Variants in ADAMTS7 observed in about 807,000 individuals in gnomAD.
ADAMTS7 encodes ADAM metallopeptidase with thrombospondin type 1 motif 7.
A neutral mutation model predicts 172.6 loss-of-function variants in ADAMTS7; 89 were observed. The ratio of observed to expected loss-of-function variants is 0.52; its 90% CI spans 0.43 to 0.61. The LOEUF is 0.61. Ranked by LOEUF, ADAMTS7 falls within the 20% of genes least tolerant of loss-of-function variation. The pLI, the probability that ADAMTS7 is intolerant of heterozygous loss-of-function variation, is 0.00. For synonymous variants in ADAMTS7, 885 were observed against 978.4 expected, an observed-to-expected ratio of 0.90 and a Z score of 1.78; for missense variants, 1,973 against 2,355.6, an observed-to-expected ratio of 0.84 and a Z score of 3.36.
intron 19 of ADAMTS7, among the ~76,000 whole-genome samples, chr15:78,765,373 C>T (rs1441306655): frequency 1.3e-5 from 2 of 152,248 alleles, no homozygotes; most frequent in African/African-American, 2.4e-5. Context: ...GGCGGCCATG[C>T]GGGGACCGTC....
intron 6 of ADAMTS7, 81 bp downstream of exon 6, chr15:78,790,589 C>T: frequency 1.3e-6 from 2 of 1,572,828 alleles, no homozygotes; most frequent in Non-Finnish European, 8.6e-7. Context: ...AGCACGGCCC[C>T]CTCCTCCACC....
intron 8 of ADAMTS7, among the ~76,000 whole-genome samples, chr15:78,787,630 T>C (rs1337595623): frequency 6.6e-6 from 1 of 152,070 alleles, no homozygotes; most frequent in East Asian, 1.9e-4. Flanking sequence ...TGCCATTGCA[T>C]TCCAGCCTGG....
chr15:78,778,222 C>T (rs963560393), intron 8 of ADAMTS7, among the ~76,000 whole-genome samples: 3 of 152,238 alleles, frequency 2.0e-5, no homozygotes, highest in African/African-American at 7.2e-5. Context: ...CTGGCAGACA[C>T]AAGCAGGCGC....
At chr15:78,791,060 G>C in intron 5 of ADAMTS7, 80 bp downstream of exon 5, 4 of 1,497,544 alleles carry the variant, frequency 2.7e-6, no homozygotes, top group Non-Finnish European at 3.7e-6. Context: ...CTTCCATAAA[G>C]AGCAGCACAG....
At position 78,796,703 on chromosome 15, in the gene ADAMTS7, G is replaced by T; in HGVS notation, c.706C>A (p.Arg236=). 1.2e-6 allele frequency: 2 copies of T among 1,613,630 alleles called. No homozygotes were observed. Among genetic ancestry groups the T allele is most frequent in the Non-Finnish European group, 1.7e-6 (2 of 1,179,974 alleles). Residue 236 remains arginine, a synonymous_variant, in exon 4 of 24, where the codon CGG becomes AGG. Coordinates refer to ENST00000388820, the MANE Select transcript of ADAMTS7 (RefSeq NM_014272.5). ...ACCCACTTCTCTTTGCTGACCGACCGCTGGTGTAGACGCCTCAGCCGTGGC... is the reference window on the plus strand; with the variant it reads ...ACCCACTTCTCTTTGCTGACCGACCTCTGGTGTAGACGCCTCAGCCGTGGC... ...RRPRLRRLHQ[R]SVSKEKWVET...
chr15:78,763,251 G>T (rs538877291), intron 22 of ADAMTS7, among the ~76,000 whole-genome samples: 6 of 152,334 alleles, frequency 3.9e-5, no homozygotes, highest in African/African-American at 1.2e-4. Context: ...CCAGGACCCA[G>T]CTCAGGGCCC....
chr15:78,789,753 A>C lies in ADAMTS7; in HGVS notation c.1114T>G (p.Cys372Gly), dbSNP rs764017115. ...VAGMCQPHRS[C>G]SINEDTGLPL... ...AGGCCCGTGTCCTCGTTGATGCTGCAGCTGCGGTGCGGCTGGCACATGCCC... is the reference window on the plus strand; with the variant it reads ...AGGCCCGTGTCCTCGTTGATGCTGCCGCTGCGGTGCGGCTGGCACATGCCC... The change falls in exon 7 of 24, where the codon TGC becomes GGC. Residue 372 changes from cysteine (C) to glycine (G), a missense_variant. Cys to Gly is a radical substitution (Grantham distance 159). This residue lies in a region of ADAMTS7 where 526 missense variants were observed against 662.9 expected (regional missense o/e 0.79). Transcript: ENST00000388820. 6.2e-7 allele frequency: 1 copy of C among 1,612,182 alleles called. No homozygotes were observed.
At chr15:78,763,352 G>A (rs1051749640) in intron 22 of ADAMTS7, among the ~76,000 whole-genome samples, 1 of 152,256 alleles carries the variant, frequency 6.6e-6, no homozygotes, top group Admixed American at 6.5e-5. Flanking sequence ...CCCTTCTGCC[G>A]CTGGCCTTTG....
At chr15:78,781,988 A>C (rs954166588) in intron 8 of ADAMTS7, among the ~76,000 whole-genome samples, 6 of 152,032 alleles carry the variant, frequency 3.9e-5, no homozygotes, top group African/African-American at 1.4e-4. Flanking sequence ...TTAAGAGCTA[A>C]TATAACTTGT....
At chr15:78,811,072 G>T (rs1175425183) in intron 1 of ADAMTS7, 49 bp downstream of exon 1, 4 of 1,228,158 alleles carry the variant, frequency 3.3e-6, no homozygotes, top group Non-Finnish European at 4.1e-6. Flanking sequence ...GACTGGGGGA[G>T]CGGGAAGGGG....
chr15:78,768,063 G>A, intron 17 of ADAMTS7, 70 bp downstream of exon 17: 1 of 1,244,276 alleles, frequency 8.0e-7, no homozygotes, highest in Non-Finnish European at 1.1e-6. Context: ...TGGGGAGTTG[G>A]CGGGGGATGG....
rs1189074368 is a variant in ADAMTS7, at chr15:78,788,173, C to T, written c.1322+58G>A. On this transcript the variant is annotated intron_variant, in intron 8 of 23. Coordinates refer to ENST00000388820, the MANE Select transcript of ADAMTS7 (RefSeq NM_014272.5). The stretch of plus-strand genomic sequence containing the variant: ...CTGCAGTATGACTGTCTGCATCTCT[C>T]CCAGTAGACCTTGACCTCATGGATC... The T allele has an allele frequency of 3.1e-6, 5 of 1,598,816 alleles. No homozygotes were observed. In the African/African-American group the frequency reaches 4.0e-5, roughly 13 times the overall value.
In ADAMTS7 at chr15:78,767,438, T is replaced by A. The variant is rs532473104; in HGVS notation, c.2800A>T (p.Thr934Ser). Residue 934 changes from threonine (T) to serine (S), a missense_variant, in exon 18 of 24, where the codon ACC (threonine) becomes TCC (serine). Physicochemically the swap from Thr to Ser is moderately conservative, Grantham distance 58. Coordinates refer to ENST00000388820, the MANE Select transcript of ADAMTS7 (RefSeq NM_014272.5). Reference sequence around the variant, plus strand: ...CAGGGTACATGGCGGTTGCAAGGGGTTTCAGTAGGGGGCCGGGGAAGGTGT... The same window carrying A: ...CAGGGTACATGGCGGTTGCAAGGGGATTCAGTAGGGGGCCGGGGAAGGTGT... ...CEHLPRPPTETPCNRHVPCPA... is the reference protein window; with the variant it reads ...CEHLPRPPTESPCNRHVPCPA... 129 of 1,611,412 alleles carry A rather than the reference T, an allele frequency of 8.0e-5. No individual in the cohort carries two copies. The South Asian group carries it at 1.4e-3, about 17-fold the overall frequency.
Position 78,768,198 on chromosome 15 carries a change from G to C in ADAMTS7, c.2580C>G (p.His860Gln). ...ERQAGPVDEEHCDPLGRPDDQ... is the reference protein window; with the variant it reads ...ERQAGPVDEEQCDPLGRPDDQ... ...CATCAGGCCGGCCCAGGGGGTCACA[G>C]TGCTCCTCGTCCACGGGCCCTGCCT... is the stretch of plus-strand genomic sequence containing the variant. The change falls in exon 17 of 24, where the codon CAC (histidine) becomes CAG (glutamine). Residue 860 changes from histidine (H) to glutamine (Q), a missense_variant. Transcript: ENST00000388820. 6.2e-7 allele frequency: 1 copy of C among 1,610,162 alleles called. No individual in the cohort carries two copies. The highest frequency in any genetic ancestry group is 1.1e-5 in the South Asian group (1 of 90,816).
At position 78,759,737 on chromosome 15, in the gene ADAMTS7, A is replaced by G. The variant is rs76701763; in HGVS notation, c.4904-159T>C. On this transcript the variant is annotated intron_variant, in intron 23 of 23. Coordinates refer to ENST00000388820, the MANE Select transcript of ADAMTS7 (RefSeq NM_014272.5). Reference sequence around the variant, plus strand: ...CCCGAACCGGAGTTGCAGGTCTCCAACTGTTGCTGTCTCTGTCCCACCTAC... The same window carrying G: ...CCCGAACCGGAGTTGCAGGTCTCCAGCTGTTGCTGTCTCTGTCCCACCTAC... Among the ~76,000 whole-genome samples the G allele has an allele frequency of 0.03, 4,642 of 152,250 alleles. 627 individuals are homozygous for G. In the East Asian group the frequency reaches 0.38, roughly 13 times the overall value.
Position 78,771,231 on chromosome 15 carries a change from C to T in ADAMTS7, c.2449G>A (p.Glu817Lys), listed in dbSNP as rs181665253. ...TIHREAGGHD[E>K]VPPPVFSWHY... ...CAGGAGAACACGGGCGGCGGGACCT[C>T]GTCGTGGCCACCTGCCTCCCTGTGG... Residue 817 changes from glutamate (E) to lysine (K), a missense_variant, in exon 16 of 24, where the codon GAG becomes AAG. Around this residue, in one of 8 missense-constraint regions of ADAMTS7, gnomAD observed 771 missense variants for 952.6 expected, o/e 0.81. Transcript: ENST00000388820. This position sits in a 1 kb window ranked among gnomAD's most constrained non-coding sequence, Gnocchi z 4.9. 3.0e-5 allele frequency: 48 copies of T among 1,612,022 alleles called. No homozygotes were observed. In the East Asian group the frequency reaches 3.3e-4, roughly 11 times the overall value.
chr15:78,783,427 G>C (rs1017651145), intron 8 of ADAMTS7, among the ~76,000 whole-genome samples: 2 of 148,746 alleles, frequency 1.3e-5, no homozygotes, highest in African/African-American at 4.9e-5. Flanking sequence ...CAGCCACCAG[G>C]CCTGGCTAAT....
Position 78,797,979 on chromosome 15 carries a change from A to G in ADAMTS7, c.591T>C (p.Asp197=). Residue 197 remains aspartate (D), a synonymous_variant, in exon 3 of 24, where the codon GAT becomes GAC. Coordinates refer to ENST00000388820, the MANE Select transcript of ADAMTS7 (RefSeq NM_014272.5). The part of the protein sequence containing the change: ...QAPERLAQRG[D]SSAPSTCGVQ... ...CTCCACAGGTGCTTGGAGCACTGGA[A>G]TCACCCCGCTGTGCCAGCCTCTCCG... is the stretch of plus-strand genomic sequence containing the variant. 6.3e-7 allele frequency: 1 copy of G among 1,597,444 alleles called. No individual in the cohort carries two copies. The highest frequency in any genetic ancestry group is 1.4e-5 in the African/African-American group (1 of 73,664).
intron 23 of ADAMTS7, among the ~76,000 whole-genome samples, chr15:78,759,999 G>A (rs371088413): frequency 2.1e-3 from 322 of 152,036 alleles, no homozygotes; most frequent in East Asian, 3.7e-3. Flanking sequence ...CCCGACTCCC[G>A]CCACCGCCCC....
Sources: allele counts gnomAD v4.1 joint callset (sites outside exome capture counted in the v4.1 genomes callset), GRCh38; gene constraint gnomAD v4.1.1; regional missense constraint gnomAD v4.1.1; non-coding constraint Gnocchi (gnomAD v3.1); transcripts MANE v1.5; gene names NCBI Gene and HGNC (gene_info 2026-07-23, HGNC 2026-07-21).